Variants in STRADA observed in about 807,000 individuals in gnomAD.
STRADA encodes the protein STE20 related adaptor alpha, also known as STE20-related kinase adapter protein alpha.
In STRADA, 26 loss-of-function variants were observed where a neutral mutation model predicts 55.0. The ratio of observed to expected loss-of-function variants is 0.47; its 90% confidence interval spans 0.35 to 0.66. The LOEUF (loss-of-function observed/expected upper bound fraction) is 0.66, where lower values mean the gene tolerates loss of function less well. STRADA is among the 30% of genes least tolerant of loss of function. The pLI, the probability that STRADA is intolerant of heterozygous loss-of-function variation, is 0.01. For synonymous variants in STRADA, 197 were observed against 210.9 expected, an observed-to-expected ratio of 0.93 and a Z score of 0.57; for missense variants, 443 against 549.7, an observed-to-expected ratio of 0.81 and a Z score of 1.94.
chr17:63,706,784 G>A (rs370763068), intron 9 of STRADA, 45 bp from the exon 10 acceptor site: 1 of 1,489,042 alleles, frequency 6.7e-7, no homozygotes, highest in Non-Finnish European at 9.3e-7. Flanking sequence ...TTTGGTCTTT[G>A]TTCTTAGAAA....
intron 6 of STRADA, among the ~76,000 whole-genome samples, chr17:63,711,407 G>GT (rs780446950): frequency 6.6e-6 from 1 of 152,170 alleles, no homozygotes; most frequent in Non-Finnish European, 1.5e-5. Context: ...CTGGAGTGCA[G>GT]TGGTGTGATC....
intron 1 of STRADA, among the ~76,000 whole-genome samples, chr17:63,740,639 T>C (rs2038874470): frequency 6.6e-6 from 1 of 152,184 alleles, no homozygotes; most frequent in Non-Finnish European, 1.5e-5. Flanking sequence ...TCATCTCTGT[T>C]TTACGGATCA....
rs1218247133 is a variant in STRADA, at chr17:63,704,411, AG to A, written c.1029del (p.Tyr344ThrfsTer31). ...AAGTGGGGGGAGAAGGTTCGGTGGT[AG>A]GGGTGGGAGGGCGAGTCACCGTTGG... ...RPSNGDSPSH[P>X]YHRTFSPHFH... On this transcript the variant is annotated frameshift_variant, in exon 11 of 13. Transcript: ENST00000336174. LOFTEE classifies it high-confidence loss of function. The A allele has an allele frequency of 4.0e-6, 6 of 1,516,996 alleles. No individual in the cohort carries two copies. The highest frequency in any genetic ancestry group is 5.3e-6 in the Non-Finnish European group (6 of 1,121,824). 94.0% of individuals were successfully genotyped at this position (1,516,996 alleles called of 1,614,324 possible).
chr17:63,739,683 GTACA>G (rs1193162463), intron 1 of STRADA, among the ~76,000 whole-genome samples: 3 of 148,226 alleles, frequency 2.0e-5, no homozygotes, highest in Non-Finnish European at 3.0e-5. Context: ...TATTATATAT[GTACA>G]TAGTGTATTA....
intron 4 of STRADA, among the ~76,000 whole-genome samples, chr17:63,716,360 T>C (rs2143964104): frequency 6.6e-6 from 1 of 152,296 alleles, no homozygotes; most frequent in East Asian, 1.9e-4. Flanking sequence ...CCTCCCAAAG[T>C]GCTAACATTA....
chr17:63,722,959 T>C (rs941913929), intron 4 of STRADA, among the ~76,000 whole-genome samples: 2 of 152,224 alleles, frequency 1.3e-5, no homozygotes, highest in African/African-American at 4.8e-5. Context: ...GAAAATTTAA[T>C]AACATTAGTC....
chr17:63,728,201 G>T, intron 2 of STRADA, 133 bp downstream of exon 2: 1 of 772,594 alleles, frequency 1.3e-6, no homozygotes, highest in Non-Finnish European at 2.1e-6. Flanking sequence ...TGCACTACCT[G>T]CCTTACTTCC....
chr17:63,740,117 CAT>C (rs1312410290), intron 1 of STRADA, among the ~76,000 whole-genome samples: 7 of 53,620 alleles, frequency 1.3e-4, no homozygotes, highest in South Asian at 7.1e-4. Context: ...TACATACATA[CAT>C]ATATATATAC....
At chr17:63,735,299 T>C (rs1452594529) in intron 1 of STRADA, among the ~76,000 whole-genome samples, 6 of 152,178 alleles carry the variant, frequency 3.9e-5, no homozygotes, top group Non-Finnish European at 8.8e-5. Context: ...TATGGCGTAG[T>C]AAAAAAAGCA....
upstream of STRADA, chr17:63,741,889 GCCCCA>G (rs1445515044): frequency 6.6e-6 from 1 of 152,286 alleles, no homozygotes; most frequent in African/African-American, 2.4e-5. Flanking sequence ...AGAGCGCTCC[GCCCCA>G]CCCCGCCCTG....
Position 63,703,771 on chromosome 17 carries a change from T to C in STRADA, c.1144-20A>G, listed in dbSNP as rs1051645118. The C allele has an allele frequency of 4.3e-6, 7 of 1,612,252 alleles. No individual in the cohort carries two copies. The highest frequency in any genetic ancestry group is 5.9e-6 in the Non-Finnish European group (7 of 1,179,004). On this transcript the variant is annotated intron_variant, in intron 12 of 12. Transcript: ENST00000336174. ...CTTGATCTGGGGGAGAAGAGAGAGGTGGGTGACAGATCCTGTTGCTCTGGG... is the reference window on the plus strand; with the variant it reads ...CTTGATCTGGGGGAGAAGAGAGAGGCGGGTGACAGATCCTGTTGCTCTGGG...
chr17:63,704,802 G>C lies in STRADA; in HGVS notation c.859-220C>G, dbSNP rs898257246. On this transcript the variant is annotated intron_variant, in intron 10 of 12. Coordinates refer to ENST00000336174, the MANE Select transcript of STRADA (RefSeq NM_001003787.4). ...CTAGCCAGGCCAACGTGAAAGGAGA[G>C]GGGTTGCACAAAAGTACCCGCTTTC... is the stretch of plus-strand genomic sequence containing the variant. 5 of 1,534,790 alleles carry C rather than the reference G, an allele frequency of 3.3e-6. No individual in the cohort carries two copies. The African/African-American group carries it at 5.5e-5, about 17-fold the overall frequency.
At chr17:63,741,283 G>C (rs2038924995) in intron 1 of STRADA, 1 of 152,178 alleles carries the variant, frequency 6.6e-6, no homozygotes, top group South Asian at 2.1e-4. Context: ...TGAGCTCTTC[G>C]TTTAGGCCGA....
intron 8 of STRADA, 177 bp from the exon 9 acceptor site, chr17:63,707,595 C>T (rs144579490): frequency 1.6e-4 from 101 of 636,844 alleles, no homozygotes; most frequent in African/African-American, 1.4e-3. Flanking sequence ...GAGTCTCACT[C>T]TGTCACCCGG....
chr17:63,710,887 C>A (rs761165491), intron 6 of STRADA, 51 bp from the exon 7 acceptor site: 1 of 1,520,902 alleles, frequency 6.6e-7, no homozygotes, highest in Non-Finnish European at 9.1e-7. Flanking sequence ...CTGAAGGATG[C>A]CGCTCAACAC....
intron 3 of STRADA, 90 bp from the exon 4 acceptor site, chr17:63,723,416 A>G (rs2037442455): frequency 1.5e-5 from 22 of 1,495,328 alleles, no homozygotes; most frequent in Non-Finnish European, 2.0e-5. Context: ...TTAGGACTAC[A>G]TTTATTAATA....
chr17:63,707,167 C>A, intron 9 of STRADA, 80 bp downstream of exon 9: 1 of 1,570,538 alleles, frequency 6.4e-7, no homozygotes, highest in South Asian at 1.1e-5. Flanking sequence ...GTTGAGAGCC[C>A]CCGACTCCAG....
In STRADA at chr17:63,710,540, C is replaced by A; in HGVS notation, c.532G>T (p.Gly178Trp). The part of the protein sequence containing the change: ...NELAIAYILQ[G>W]VLKALDYIHH... ...ATGTAGTCGAGGGCCTTCAGCACCC[C>A]CTGCAGGATGTAAGCAATCGCCAGC... Residue 178 changes from glycine to tryptophan, a missense_variant, in exon 8 of 13, where the codon GGG (glycine) becomes TGG (tryptophan). By Grantham distance (184) the Gly-to-Trp change is radical. Coordinates refer to ENST00000336174, the MANE Select transcript of STRADA (RefSeq NM_001003787.4). 1 of 1,613,956 alleles carries A rather than the reference C, an allele frequency of 6.2e-7. No individual in the cohort carries two copies. Among genetic ancestry groups the A allele is most frequent in the Non-Finnish European group, 8.5e-7 (1 of 1,179,886 alleles).
In STRADA at chr17:63,732,531, C is replaced by A. The variant is rs2038141032; in HGVS notation, c.-44-4118G>T. 2.0e-5 allele frequency among the ~76,000 whole-genome samples: 3 copies of A among 151,100 alleles called. No homozygotes were observed. The South Asian group carries it at 6.3e-4, about 32-fold the overall frequency. ...CTTGTGTAGGCCGGGCGTGGTGGTT[C>A]ATGTCTGTAGTCCCAGCACTTTGGG... On this transcript the variant is annotated intron_variant, in intron 1 of 12. Coordinates refer to ENST00000336174, the MANE Select transcript of STRADA (RefSeq NM_001003787.4).
Sources: gnomAD v4.1 joint callset for allele counts (sites outside exome capture counted in the v4.1 genomes callset) on GRCh38, gnomAD v4.1.1 for gene constraint, MANE v1.5 for transcripts, NCBI Gene and HGNC (gene_info 2026-07-23, HGNC 2026-07-21) for gene names.